RAP1GAP2: variants seen among roughly 807,000 people sequenced by gnomAD.
RAP1GAP2 encodes the protein rap1 GTPase-activating protein 2.
RAP1GAP2 carries 27 observed loss-of-function variants against 95.0 expected under a neutral mutation model. That is an observed-to-expected ratio of 0.28 (90% CI 0.21 to 0.39). RAP1GAP2 has a LOEUF of 0.39. Ranked by LOEUF, RAP1GAP2 falls within the 10% of genes least tolerant of loss-of-function variation. The pLI, the probability that RAP1GAP2 is intolerant of heterozygous loss-of-function variation, is 1.00. For missense variants in RAP1GAP2, 771 were observed against 970.0 expected (o/e 0.79, Z 2.72); for synonymous variants, 373 against 380.9 (o/e 0.98, Z 0.24).
Position 2,965,353 on chromosome 17 carries a change from G to T in RAP1GAP2, c.493-187G>T. The T allele has an allele frequency of 1.7e-6, 1 of 598,194 alleles. No individual in the cohort carries two copies. Among genetic ancestry groups the T allele is most frequent in the East Asian group, 2.8e-5 (1 of 35,540 alleles). 37.1% of individuals were successfully genotyped at this position (598,194 alleles called of 1,614,324 possible). A position where few individuals can be genotyped will look rare whatever the true frequency, so the allele number is the denominator to read the frequency against. On this transcript the variant is annotated intron_variant, in intron 7 of 24. Transcript: ENST00000254695. The surrounding 1 kb of genome is among the most constrained non-coding windows in gnomAD (Gnocchi z 4.7). ...GGAGATAGTGGGTATTAAGCCCCTG[G>T]CACGGTGCCTGGCGCCTCCTGAGGA...
At position 2,902,539 on chromosome 17, in the gene RAP1GAP2, G is replaced by A. The variant is rs1354951291; in HGVS notation, c.81-2745G>A. On this transcript the variant is annotated intron_variant, in intron 2 of 24. Transcript: ENST00000254695. The surrounding 1 kb of genome is among the most constrained non-coding windows in gnomAD (Gnocchi z 4.1). ...GGGCCCAGTTCAGATGTTTTTGAGG[G>A]TGGCAGTCATGCCTTCTGCCCACCC... 2.6e-5 allele frequency among the ~76,000 whole-genome samples: 4 copies of A among 152,138 alleles called. No homozygotes were observed. The highest frequency in any genetic ancestry group is 5.9e-5 in the Non-Finnish European group (4 of 68,022).
intron 3 of RAP1GAP2, among the ~76,000 whole-genome samples, chr17:2,920,197 G>A (rs949060646): frequency 3.3e-5 from 5 of 152,046 alleles, no homozygotes; most frequent in South Asian, 2.1e-4. Context: ...TTTTTAATTC[G>A]TAGAAGCAGG....
chr17:2,822,623 T>G (rs1308987522), intron 2 of RAP1GAP2, among the ~76,000 whole-genome samples: 1 of 131,094 alleles, frequency 7.6e-6, no homozygotes, highest in East Asian at 2.2e-4. Flanking sequence ...CCCTGTTTTT[T>G]TTTGTTTTTT....
intron 2 of RAP1GAP2, among the ~76,000 whole-genome samples, chr17:2,886,703 C>T (rs1310616374): frequency 1.3e-5 from 2 of 152,174 alleles, no homozygotes; most frequent in African/African-American, 2.4e-5. Flanking sequence ...GGTGTTTGCA[C>T]GGCCCTTGAA....
At chr17:3,021,108 A>AAAATGCATAATGATC (rs1334399489) in intron 19 of RAP1GAP2, among the ~76,000 whole-genome samples, 1 of 152,226 alleles carries the variant, frequency 6.6e-6, no homozygotes, top group African/African-American at 2.4e-5. Flanking sequence ...ATATTTTGAT[A>AAAATGCATAATGATC]AAATGCATAA....
intron 2 of RAP1GAP2, among the ~76,000 whole-genome samples, chr17:2,846,754 A>G (rs1440768081): frequency 6.6e-6 from 1 of 152,112 alleles, no homozygotes; most frequent in Non-Finnish European, 1.5e-5. Flanking sequence ...GGCCGCATGC[A>G]TAGTAAAAGC....
intron 2 of RAP1GAP2, among the ~76,000 whole-genome samples, chr17:2,852,096 G>C (rs2071877147): frequency 6.6e-6 from 1 of 152,138 alleles, no homozygotes; most frequent in South Asian, 2.1e-4. Context: ...AGCGCGGTGG[G>C]AGAGAGGGGA....
At chr17:2,996,058 C>T (rs1445130041) in intron 13 of RAP1GAP2, among the ~76,000 whole-genome samples, 3 of 152,214 alleles carry the variant, frequency 2.0e-5, no homozygotes, top group Admixed American at 6.5e-5. Flanking sequence ...TATAGAACAG[C>T]TGTTCACTGT....
chr17:2,819,497 G>A (rs1235587714), intron 2 of RAP1GAP2, among the ~76,000 whole-genome samples: 2 of 147,326 alleles, frequency 1.4e-5, no homozygotes, highest in Non-Finnish European at 3.0e-5. Context: ...CTTTTTTGAC[G>A]GAGTCTTGCT....
At chr17:2,820,338 A>G (rs2151517378) in intron 2 of RAP1GAP2, among the ~76,000 whole-genome samples, 1 of 152,160 alleles carries the variant, frequency 6.6e-6, no homozygotes, top group African/African-American at 2.4e-5. Flanking sequence ...GAGAGGACTT[A>G]GGCTGGGCGC....
At chr17:3,000,616 C>T (rs2046124992) in intron 14 of RAP1GAP2, among the ~76,000 whole-genome samples, 2 of 51,078 alleles carry the variant, frequency 3.9e-5, no homozygotes, top group African/African-American at 1.2e-4. Context: ...AGCCTCAGGG[C>T]CTTCCTGATG....
At chr17:2,822,627 G>GTTTTTTTTT (rs66503004) in intron 2 of RAP1GAP2, among the ~76,000 whole-genome samples, 1 of 127,838 alleles carries the variant, frequency 7.8e-6, no homozygotes, top group Non-Finnish European at 1.7e-5. Context: ...GTTTTTTTTT[G>GTTTTTTTTT]TTTTTTTTTT....
intron 2 of RAP1GAP2, among the ~76,000 whole-genome samples, chr17:2,832,369 T>C (rs1332320211): frequency 2.0e-5 from 3 of 150,298 alleles, no homozygotes; most frequent in Admixed American, 6.7e-5. Context: ...TCATCCTGGC[T>C]AAAACGGTGA....
intron 16 of RAP1GAP2, 78 bp from the exon 17 acceptor site, chr17:3,007,933 G>A: frequency 6.6e-7 from 1 of 1,515,030 alleles, no homozygotes; most frequent in African/African-American, 1.4e-5. Flanking sequence ...TCCAGGCCAG[G>A]TGTCTGGAGC....
At chr17:2,818,642 TA>T (rs2070146567) in intron 2 of RAP1GAP2, among the ~76,000 whole-genome samples, 1 of 152,190 alleles carries the variant, frequency 6.6e-6, no homozygotes, top group Non-Finnish European at 1.5e-5. Context: ...CCCACATTTT[TA>T]ATGCTTTCAC....
intron 11 of RAP1GAP2, among the ~76,000 whole-genome samples, chr17:2,988,902 A>T (rs1157705818): frequency 1.3e-5 from 2 of 152,086 alleles, no homozygotes; most frequent in Admixed American, 1.3e-4. Context: ...TCTCCTAAAA[A>T]TACAAAAAAT....
chr17:2,961,375 C>T (rs2044317169), intron 4 of RAP1GAP2, among the ~76,000 whole-genome samples: 1 of 151,930 alleles, frequency 6.6e-6, no homozygotes, highest in Non-Finnish European at 1.5e-5. Flanking sequence ...ATTAGCTGGG[C>T]GTGGTGGTAC....
chr17:2,833,720 C>A (rs2071011093), intron 2 of RAP1GAP2, among the ~76,000 whole-genome samples: 1 of 149,650 alleles, frequency 6.7e-6, no homozygotes, highest in African/African-American at 2.5e-5. Flanking sequence ...AAGAAAAGTG[C>A]CACAGTGGAC....
intron 2 of RAP1GAP2, among the ~76,000 whole-genome samples, chr17:2,854,256 G>A (rs937491135): frequency 2.0e-5 from 3 of 152,308 alleles, no homozygotes; most frequent in East Asian, 1.9e-4. Flanking sequence ...TCGGAGCTTC[G>A]CCCCGGACCC....
Sources: allele counts gnomAD v4.1 joint callset (sites outside exome capture counted in the v4.1 genomes callset), GRCh38; gene constraint gnomAD v4.1.1; non-coding constraint Gnocchi (gnomAD v3.1); transcripts MANE v1.5; gene names NCBI Gene and HGNC (gene_info 2026-07-23, HGNC 2026-07-21).